CDHR3: variants seen among roughly 807,000 people sequenced by gnomAD.
CDHR3 encodes cadherin-related family member 3.
A neutral mutation model predicts 86.6 loss-of-function variants in CDHR3; 79 were observed. The observed-to-expected ratio is 0.91, with a 90% CI of 0.76 to 1.10. The LOEUF is 1.10. CDHR3 is among the 50% of genes least tolerant of loss of function. CDHR3 has a pLI of 0.00. For missense variants in CDHR3, 1,081 were observed against 1,077.6 expected (o/e 1.00, Z -0.04); for synonymous variants, 421 against 402.4 (o/e 1.05, Z -0.55).
At chr7:106,032,310 G>C in intron 18 of CDHR3, 83 bp from the exon 19 acceptor site, 1 of 1,356,554 alleles carries the variant, frequency 7.4e-7, no homozygotes, top group East Asian at 2.5e-5. Context: ...TTGGGAGTCA[G>C]AACAGAGCAG....
chr7:105,969,125 G>C (rs865803101), intron 1 of CDHR3, among the ~76,000 whole-genome samples: 3 of 149,366 alleles, frequency 2.0e-5, no homozygotes, highest in African/African-American at 7.4e-5. Flanking sequence ...GGCCGGGCGT[G>C]GTGGCTCACG....
intron 13 of CDHR3, 48 bp from the exon 14 acceptor site, chr7:106,022,150 C>T (rs748651725): frequency 6.2e-6 from 10 of 1,603,070 alleles, no homozygotes; most frequent in Admixed American, 1.7e-5. Context: ...TTATTTCTTA[C>T]TCTCTTTTCT....
At chr7:105,998,222 CT>C (rs765796880) in intron 6 of CDHR3, among the ~76,000 whole-genome samples, 3 of 152,212 alleles carry the variant, frequency 2.0e-5, no homozygotes, top group Non-Finnish European at 4.4e-5. Flanking sequence ...CTAACGATAA[CT>C]TCTTTAATTC....
At chr7:106,028,329 G>A in intron 16 of CDHR3, 1 of 573,050 alleles carries the variant, frequency 1.7e-6, no homozygotes. Flanking sequence ...CAACTAAATT[G>A]TTCGTATGTT....
chr7:106,006,167 G>A (rs1262028864), intron 8 of CDHR3, among the ~76,000 whole-genome samples: 1 of 151,664 alleles, frequency 6.6e-6, no homozygotes, highest in Non-Finnish European at 1.5e-5. Context: ...TCACTATCAC[G>A]AGAACAACTC....
intron 14 of CDHR3, 144 bp downstream of exon 14, chr7:106,022,592 G>A: frequency 1.6e-6 from 2 of 1,221,556 alleles, no homozygotes; most frequent in East Asian, 4.7e-5. Flanking sequence ...CCATGGGCTG[G>A]ACTGGAGTAG....
In CDHR3 at chr7:106,028,916, T is replaced by TTTTCTTTCTTTCTTTCTTTC. The variant is rs1167671014; in HGVS notation, c.2304+394_2304+413dup. Among the ~76,000 whole-genome samples, 75 of 83,070 alleles carry TTTTCTTTCTTTCTTTCTTTC rather than the reference T, an allele frequency of 9.0e-4. 1 individual carries two copies. The highest frequency in any genetic ancestry group is 1.2e-3 in the Non-Finnish European group (47 of 38,844). 54.5% of individuals were successfully genotyped at this position (83,070 alleles called of 152,430 possible). A position where few individuals can be genotyped will look rare whatever the true frequency, so the allele number is the denominator to read the frequency against. On this transcript the variant is annotated intron_variant, in intron 17 of 18. Transcript: ENST00000317716. ...GCTTCAGCCTCCAGTGAGATTTAAA[T>TTTTCTTTCTTTCTTTCTTTC]TTTCTTTCTTTCTTTCTTTCTTTCT...
chr7:106,007,273 AC>A (rs1834072411), intron 8 of CDHR3, among the ~76,000 whole-genome samples: 1 of 152,190 alleles, frequency 6.6e-6, no homozygotes, highest in East Asian at 1.9e-4. Context: ...TGCCCTGGTG[AC>A]ATTTACCCCA....
intron 1 of CDHR3, among the ~76,000 whole-genome samples, chr7:105,973,430 G>T (rs1418355074): frequency 6.6e-6 from 1 of 152,154 alleles, no homozygotes; most frequent in East Asian, 1.9e-4. Context: ...GGCAGTGTTG[G>T]TTCCTGCTGG....
chr7:106,034,139 A>G lies in CDHR3; in HGVS notation c.*1442A>G, dbSNP rs1189776559. ...GGGACATACTGGAAGCCCCATCTAG[A>G]CATAAAACTCAGACTTCCACCTGTA... On this transcript the variant is annotated 3_prime_UTR_variant, in exon 19 of 19. Coordinates refer to ENST00000317716, the MANE Select transcript of CDHR3 (RefSeq NM_152750.5). Among the ~76,000 whole-genome samples, 1 of 152,196 alleles carries G rather than the reference A, an allele frequency of 6.6e-6. No homozygotes were observed. Among genetic ancestry groups the G allele is most frequent in the East Asian group, 1.9e-4 (1 of 5,192 alleles).
At chr7:106,023,565 C>T (rs138347608) in intron 14 of CDHR3, among the ~76,000 whole-genome samples, 281 of 152,290 alleles carry the variant, frequency 1.8e-3, no homozygotes, top group Non-Finnish European at 2.3e-3. Context: ...CCTCCTCCTC[C>T]TCCTAGTAGA....
intron 3 of CDHR3, among the ~76,000 whole-genome samples, chr7:105,982,490 A>T (rs1829919688): frequency 6.6e-6 from 1 of 150,916 alleles, no homozygotes; most frequent in African/African-American, 2.4e-5. Flanking sequence ...AGAAAAAAAA[A>T]AAAAAGAACC....
chr7:105,996,159 C>T (rs1182224716), intron 5 of CDHR3, 91 bp from the exon 6 acceptor site: 2 of 710,902 alleles, frequency 2.8e-6, no homozygotes, highest in Non-Finnish European at 5.1e-6. Context: ...AGGGTCTGCT[C>T]TCACTCCTCC....
At chr7:106,017,415 C>G (rs1306344709) in intron 11 of CDHR3, among the ~76,000 whole-genome samples, 1 of 151,958 alleles carries the variant, frequency 6.6e-6, no homozygotes, top group African/African-American at 2.4e-5. Flanking sequence ...AAAGATTAGC[C>G]AGGTGTGGTC....
chr7:105,966,879 C>A (rs1308734938), intron 1 of CDHR3, among the ~76,000 whole-genome samples: 1 of 152,172 alleles, frequency 6.6e-6, no homozygotes, highest in Non-Finnish European at 1.5e-5. Flanking sequence ...CTGTTTCTTG[C>A]CAGTTATGAC....
intron 8 of CDHR3, among the ~76,000 whole-genome samples, chr7:106,007,066 G>A (rs913764780): frequency 3.3e-5 from 5 of 152,186 alleles, no homozygotes. Context: ...GCAAGGCTTG[G>A]GGCTTCCACT....
chr7:106,028,413 A>G (rs1021969313), intron 16 of CDHR3, 138 bp from the exon 17 acceptor site: 11 of 932,240 alleles, frequency 1.2e-5, no homozygotes, highest in African/African-American at 9.8e-5. Context: ...AAACATATCT[A>G]TAGACAGAAC....
intron 8 of CDHR3, among the ~76,000 whole-genome samples, chr7:106,012,053 C>A (rs573522551): frequency 6.6e-6 from 1 of 152,294 alleles, no homozygotes; most frequent in South Asian, 2.1e-4. Flanking sequence ...TCAGGCAGGA[C>A]GTAAAATTTA....
intron 8 of CDHR3, among the ~76,000 whole-genome samples, chr7:106,008,664 C>T (rs1387759744): frequency 1.3e-5 from 2 of 152,148 alleles, no homozygotes; most frequent in Non-Finnish European, 2.9e-5. Context: ...TTGTGACTTC[C>T]ACACCTTTAC....
Sources: gnomAD v4.1 joint callset for allele counts (sites outside exome capture counted in the v4.1 genomes callset) on GRCh38, gnomAD v4.1.1 for gene constraint, MANE v1.5 for transcripts, NCBI Gene and HGNC (gene_info 2026-07-23, HGNC 2026-07-21) for gene names.